The following ROBO2 variants were observed in gnomAD, a reference collection of about 807,000 sequenced individuals.
The protein encoded by ROBO2 is roundabout guidance receptor 2.
ROBO2 carries 53 observed loss-of-function variants against 160.8 expected under a neutral mutation model. The ratio of observed to expected loss-of-function variants is 0.33; its 90% confidence interval spans 0.26 to 0.41. The LOEUF (loss-of-function observed/expected upper bound fraction) is 0.41. ROBO2 is among the 10% of genes least tolerant of loss of function. The pLI, the probability that ROBO2 is intolerant of heterozygous loss-of-function variation, is 1.00. For synonymous variants in ROBO2, 664 were observed against 611.7 expected (o/e 1.09, Z -1.26); for missense variants, 1,577 against 1,722.4 (o/e 0.92, Z 1.49).
In ROBO2 at chr3:77,622,362, C is replaced by G. The variant is rs776885225; in HGVS notation, c.3690C>G (p.Ile1230Met). Reference sequence around the variant, plus strand: ...ACGACGAAGAGGAAGCTTTAGAAATCCCCAGGCCCCTGAGAGCACTGGACC... The same window carrying G: ...ACGACGAAGAGGAAGCTTTAGAAATGCCCAGGCCCCTGAGAGCACTGGACC... The change falls in exon 23 of 26, where the codon ATC becomes ATG. Residue 1230 changes from isoleucine to methionine, a missense_variant. By Grantham distance (10) the Ile-to-Met change is conservative. Coordinates refer to ENST00000461745, the Ensembl canonical transcript of ROBO2. 7 of 1,613,936 alleles carry G rather than the reference C, an allele frequency of 4.3e-6. No individual in the cohort carries two copies. The Admixed American group carries it at 1.2e-4, about 27-fold the overall frequency.
At chr3:76,426,243 C>T (rs567680381) in intron 2 of ROBO2, among the ~76,000 whole-genome samples, 7 of 152,250 alleles carry the variant, frequency 4.6e-5, no homozygotes, top group African/African-American at 1.2e-4. Flanking sequence ...ACTTTGACAG[C>T]ATATATCCTG....
chr3:76,709,721 G>A (rs1053302013), intron 2 of ROBO2, among the ~76,000 whole-genome samples: 1 of 152,188 alleles, frequency 6.6e-6, no homozygotes, highest in African/African-American at 2.4e-5. Context: ...GGATTTTCCA[G>A]AGCCAGGGTA....
At position 76,796,518 on chromosome 3, in the gene ROBO2, AG is replaced by A. The variant is rs1440704134; in HGVS notation, c.110-301494del. Among the ~76,000 whole-genome samples the A allele has an allele frequency of 1.1e-4, 17 of 150,386 alleles. No individual in the cohort carries two copies. The East Asian group carries it at 3.2e-3, about 28-fold the overall frequency. On this transcript the variant is annotated intron_variant, in intron 2 of 26. Transcript: ENST00000487694. ...AAGGAAGGAAAGAAGGAAAGAAGGA[AG>A]GAAGGAAGGAAGGAAGGAAGGGAGG...
In ROBO2 at chr3:76,312,064, C is replaced by T. The variant is rs760240084; in HGVS notation, c.109+374462C>T. 3.9e-5 allele frequency among the ~76,000 whole-genome samples: 6 copies of T among 152,192 alleles called. No individual in the cohort carries two copies. In the South Asian group the frequency reaches 8.3e-4, roughly 21 times the overall value. On this transcript the variant is annotated intron_variant, in intron 2 of 26. Transcript: ENST00000487694. ...TAAAGTTCAGTGGGTTCTGCTTCCC[C>T]GAATGCCATTTGTTTATATAAACAC...
chr3:76,416,575 TG>T (rs1387051465), intron 2 of ROBO2, among the ~76,000 whole-genome samples: 2 of 152,198 alleles, frequency 1.3e-5, no homozygotes, highest in African/African-American at 2.4e-5. Flanking sequence ...TTGACAATTT[TG>T]CTATGCTCAC....
At chr3:76,114,029 T>A (rs1283423560) in intron 2 of ROBO2, among the ~76,000 whole-genome samples, 1 of 152,234 alleles carries the variant, frequency 6.6e-6, no homozygotes, top group African/African-American at 2.4e-5. Context: ...CAGATGCTGG[T>A]ACCATGCTGG....
chr3:76,375,937 C>T (rs982448179), intron 2 of ROBO2, among the ~76,000 whole-genome samples: 1 of 151,972 alleles, frequency 6.6e-6, no homozygotes, highest in African/African-American at 2.4e-5. Context: ...ATATTTGAAT[C>T]ATTTATCTTC....
chr3:77,411,021 C>G (rs1447307429), intron 2 of ROBO2, among the ~76,000 whole-genome samples: 1 of 152,034 alleles, frequency 6.6e-6, no homozygotes, highest in Non-Finnish European at 1.5e-5. Context: ...CCCAGCTGTT[C>G]TCAAATTCCT....
At chr3:77,404,498 A>G (rs1016232177) in intron 2 of ROBO2, among the ~76,000 whole-genome samples, 1 of 152,200 alleles carries the variant, frequency 6.6e-6, no homozygotes, top group Non-Finnish European at 1.5e-5. Flanking sequence ...ATGGCAAGGC[A>G]TAAACATGGA....
intron 2 of ROBO2, among the ~76,000 whole-genome samples, chr3:77,382,415 C>CT (rs1336020791): frequency 1.4e-5 from 2 of 138,302 alleles, no homozygotes; most frequent in Non-Finnish European, 3.2e-5. Flanking sequence ...TTTTCTTCTT[C>CT]TTTTTTGTAA....
intron 2 of ROBO2, among the ~76,000 whole-genome samples, chr3:77,355,600 T>C (rs941562556): frequency 3.9e-5 from 6 of 152,062 alleles, no homozygotes; most frequent in African/African-American, 1.2e-4. Context: ...GTGATGCAGA[T>C]ATGAGTAGGA....
intron 2 of ROBO2, among the ~76,000 whole-genome samples, chr3:77,252,148 C>A (rs1254718889): frequency 5.3e-5 from 8 of 152,156 alleles, no homozygotes; most frequent in Non-Finnish European, 1.0e-4. Context: ...ATCAGTTTTG[C>A]CTTTCAGTCT....
At chr3:77,156,309 G>GT (rs1241013515) in intron 2 of ROBO2, among the ~76,000 whole-genome samples, 2 of 151,968 alleles carry the variant, frequency 1.3e-5, no homozygotes, top group African/African-American at 4.8e-5. Flanking sequence ...TTTAGATCGT[G>GT]TTAAACAATG....
intron 2 of ROBO2, among the ~76,000 whole-genome samples, chr3:76,811,187 T>C (rs1576773935): frequency 6.6e-6 from 1 of 152,124 alleles, no homozygotes; most frequent in Admixed American, 6.5e-5. Flanking sequence ...ATGAGAGAAG[T>C]CCAGCATTTG....
intron 2 of ROBO2, among the ~76,000 whole-genome samples, chr3:77,136,646 T>G (rs1183618764): frequency 6.6e-6 from 1 of 151,044 alleles, no homozygotes; most frequent in Non-Finnish European, 1.5e-5. Context: ...AATTAATTTT[T>G]TTTTTTTTTT....
intron 2 of ROBO2, among the ~76,000 whole-genome samples, chr3:77,292,595 A>G (rs943759927): frequency 1.3e-5 from 2 of 151,132 alleles, no homozygotes; most frequent in African/African-American, 4.9e-5. Context: ...CTGAGGCCAG[A>G]TCACCCCAGA....
At chr3:77,232,261 A>T (rs4684031) in intron 2 of ROBO2, among the ~76,000 whole-genome samples, 33,918 of 152,078 alleles carry the variant, frequency 0.22, 4,033 homozygotes, top group Middle Eastern at 0.33. Flanking sequence ...TTATAAATTA[A>T]TGGAGTAGGT....
At chr3:77,342,013 G>A (rs1048909846) in intron 2 of ROBO2, among the ~76,000 whole-genome samples, 1 of 152,090 alleles carries the variant, frequency 6.6e-6, no homozygotes, top group Non-Finnish European at 1.5e-5. Context: ...TTAAGAATAT[G>A]CATTAACTTC....
intron 2 of ROBO2, among the ~76,000 whole-genome samples, chr3:76,674,598 T>TCACACACA (rs71104613): frequency 0.22 from 32,879 of 147,982 alleles, 4,280 homozygotes; most frequent in East Asian, 0.45. Flanking sequence ...ACCTCCTAGT[T>TCACACACA]CACACACACA....
Sources: gnomAD v4.1 joint callset for allele counts (sites outside exome capture counted in the v4.1 genomes callset) on GRCh38, gnomAD v4.1.1 for gene constraint, MANE v1.5 for transcripts, NCBI Gene and HGNC (gene_info 2026-07-23, HGNC 2026-07-21) for gene names.